ADCY5: variants seen among roughly 807,000 people sequenced by gnomAD.
ADCY5 encodes the protein adenylate cyclase 5, also known as adenylate cyclase type 5.
ADCY5 carries 30 observed loss-of-function variants against 119.7 expected under a neutral mutation model. The ratio of observed to expected loss-of-function variants is 0.25; its 90% CI spans 0.19 to 0.34. The LOEUF is 0.34. Ranked by LOEUF, ADCY5 falls within the 10% of genes least tolerant of loss-of-function variation. The pLI, the probability that ADCY5 is intolerant of heterozygous loss-of-function variation, is 1.00. For synonymous variants in ADCY5, 753 were observed against 762.2 expected, an observed-to-expected ratio of 0.99 and a Z score of 0.20; for missense variants, 1,324 against 1,775.2, an observed-to-expected ratio of 0.75 and a Z score of 4.57.
chr3:123,327,707 C>T lies in ADCY5; in HGVS notation c.1858G>A (p.Val620Met), dbSNP rs370579600. Residue 620 changes from valine (V) to methionine (M), a missense_variant, in exon 7 of 21, where the codon GTG becomes ATG. Val to Met is a conservative substitution (Grantham distance 21). Coordinates refer to ENST00000462833, the MANE Select transcript of ADCY5 (RefSeq NM_183357.3). ...CGCTCGCCCCCACAGCCTGGCTCCACCTCGTAGTCCCCATTCAGGTAGTTG... is the reference window on the plus strand; with the variant it reads ...CGCTCGCCCCCACAGCCTGGCTCCATCTCGTAGTCCCCATTCAGGTAGTTG... ...TLNYLNGDYE[V>M]EPGCGGERNA... 3.7e-6 allele frequency: 6 copies of T among 1,614,128 alleles called. No individual in the cohort carries two copies. Among genetic ancestry groups the T allele is most frequent in the Non-Finnish European group, 4.2e-6 (5 of 1,180,004 alleles).
chr3:123,366,429 G>A (rs1307142835), intron 1 of ADCY5, among the ~76,000 whole-genome samples: 1 of 152,242 alleles, frequency 6.6e-6, no homozygotes, highest in Non-Finnish European at 1.5e-5. Flanking sequence ...GCTCAGGGCC[G>A]ATTTCAGATG....
chr3:123,365,456 A>G (rs904422352), intron 1 of ADCY5, among the ~76,000 whole-genome samples: 3 of 152,204 alleles, frequency 2.0e-5, no homozygotes, highest in African/African-American at 7.2e-5. Context: ...AGAAGCACCA[A>G]GGGCCTGGGA....
At chr3:123,402,702 A>AC (rs1270821233) in intron 1 of ADCY5, among the ~76,000 whole-genome samples, 1 of 152,038 alleles carries the variant, frequency 6.6e-6, no homozygotes, top group Non-Finnish European at 1.5e-5. Context: ...TACAAAAAAA[A>AC]ATTAGTCAGG....
intron 1 of ADCY5, among the ~76,000 whole-genome samples, chr3:123,401,193 A>C (rs1271496731): frequency 6.6e-6 from 1 of 152,158 alleles, no homozygotes; most frequent in African/African-American, 2.4e-5. Context: ...TGAAAAACTT[A>C]CATAGCAAAG....
At chr3:123,294,666 C>T (rs939921846) in intron 17 of ADCY5, among the ~76,000 whole-genome samples, 40 of 152,198 alleles carry the variant, frequency 2.6e-4, no homozygotes, top group African/African-American at 9.4e-4. Context: ...CAGACTGGAA[C>T]AGCTCGATAC....
chr3:123,302,451 T>C lies in ADCY5; in HGVS notation c.2724+604A>G, dbSNP rs4678005. ...CTAAAAGCTACTGAACCGTGCACTTTGAACGGGTGAGGTTTATAGTAGTGC... is the reference window on the plus strand; with the variant it reads ...CTAAAAGCTACTGAACCGTGCACTTCGAACGGGTGAGGTTTATAGTAGTGC... On this transcript the variant is annotated intron_variant, in intron 14 of 20. Transcript: ENST00000462833. Among the ~76,000 whole-genome samples, 58,639 of 152,014 alleles carry C rather than the reference T, an allele frequency of 0.39. 11,869 individuals are homozygous for C. The highest frequency in any genetic ancestry group is 0.7 in the East Asian group (3,633 of 5,156).
chr3:123,392,240 C>T (rs1944419653), intron 1 of ADCY5, among the ~76,000 whole-genome samples: 1 of 152,076 alleles, frequency 6.6e-6, no homozygotes, highest in African/African-American at 2.4e-5. Context: ...GGGATTTTAT[C>T]CTTTCTCCTT....
chr3:123,360,961 C>CTTT (rs1406859904), intron 1 of ADCY5, among the ~76,000 whole-genome samples: 1 of 152,188 alleles, frequency 6.6e-6, no homozygotes, highest in Non-Finnish European at 1.5e-5. Flanking sequence ...TTGGATTACA[C>CTTT]AGAAAGGAAG....
intron 1 of ADCY5, among the ~76,000 whole-genome samples, chr3:123,375,579 T>C (rs1360649223): frequency 6.6e-6 from 1 of 152,240 alleles, no homozygotes; most frequent in Non-Finnish European, 1.5e-5. Flanking sequence ...GCTGGCGCCA[T>C]CTTGCTTCTT....
At chr3:123,360,254 G>C (rs1943200923) in intron 1 of ADCY5, among the ~76,000 whole-genome samples, 1 of 151,990 alleles carries the variant, frequency 6.6e-6, no homozygotes, top group Admixed American at 6.6e-5. Context: ...CTATACCACT[G>C]GCTCTGGACA....
At chr3:123,446,655 A>T (rs1298687969) in intron 1 of ADCY5, among the ~76,000 whole-genome samples, 1 of 152,148 alleles carries the variant, frequency 6.6e-6, no homozygotes, top group Non-Finnish European at 1.5e-5. Flanking sequence ...TTCTAGACTC[A>T]CCCAACAAAT....
intron 18 of ADCY5, among the ~76,000 whole-genome samples, chr3:123,290,522 G>A (rs912655084): frequency 2.6e-5 from 4 of 152,228 alleles, no homozygotes; most frequent in African/African-American, 9.6e-5. Context: ...AGCTCCCAGG[G>A]TCAAGACTGC....
intron 1 of ADCY5, among the ~76,000 whole-genome samples, chr3:123,399,517 T>A (rs1157770631): frequency 3.3e-5 from 5 of 152,228 alleles, no homozygotes; most frequent in Non-Finnish European, 4.4e-5. Flanking sequence ...GGCTTATTTT[T>A]TTTTTACTGT....
At chr3:123,362,735 T>C (rs920280542) in intron 1 of ADCY5, among the ~76,000 whole-genome samples, 4 of 152,214 alleles carry the variant, frequency 2.6e-5, no homozygotes, top group Admixed American at 2.6e-4. Flanking sequence ...CCACAACCTC[T>C]ATCCTCTATC....
At chr3:123,365,547 A>G (rs972859899) in intron 1 of ADCY5, among the ~76,000 whole-genome samples, 2 of 152,194 alleles carry the variant, frequency 1.3e-5, no homozygotes, top group African/African-American at 4.8e-5. Flanking sequence ...TGGGTGATGT[A>G]TCTATGGGAA....
At position 123,448,731 on chromosome 3, in the gene ADCY5, C is replaced by G; in HGVS notation, c.-186G>C. 1 of 464,328 alleles carries G rather than the reference C, an allele frequency of 2.2e-6. No individual in the cohort carries two copies. The highest frequency in any genetic ancestry group is 3.5e-6 in the Non-Finnish European group (1 of 287,228). The allele number at this position is 464,328 out of a possible 1,614,324, so 28.8% of individuals were successfully genotyped here. A position where few individuals can be genotyped will look rare whatever the true frequency, so the allele number is the denominator to read the frequency against. On this transcript the variant is annotated 5_prime_UTR_variant, in exon 1 of 21. Transcript: ENST00000462833. ...CTGAGCGGAGGAGGAGGGCACAGCC[C>G]CGAGGTGAGAAGTAGCTGAGGATCC... is the stretch of plus-strand genomic sequence containing the variant.
chr3:123,357,155 C>T (rs1022450092), intron 1 of ADCY5, among the ~76,000 whole-genome samples: 1 of 151,550 alleles, frequency 6.6e-6, no homozygotes, highest in African/African-American at 2.4e-5. Context: ...ATTGTGTTAG[C>T]AATTACACAT....
intron 17 of ADCY5, 42 bp from the exon 18 acceptor site, chr3:123,291,418 G>C (rs752781438): frequency 6.3e-7 from 1 of 1,580,326 alleles, no homozygotes; most frequent in Non-Finnish European, 8.6e-7. Flanking sequence ...GCCAATGTGA[G>C]CCCAGATGTC....
chr3:123,402,488 C>A (rs1016678015), intron 1 of ADCY5, among the ~76,000 whole-genome samples: 1 of 152,208 alleles, frequency 6.6e-6, no homozygotes, highest in Non-Finnish European at 1.5e-5. Context: ...AAGGCAAGCA[C>A]CGGCTTCTTT....
Sources: gnomAD v4.1 joint callset for allele counts (sites outside exome capture counted in the v4.1 genomes callset) on GRCh38, gnomAD v4.1.1 for gene constraint, MANE v1.5 for transcripts, NCBI Gene and HGNC (gene_info 2026-07-23, HGNC 2026-07-21) for gene names.